The following NPAS3 variants were observed in gnomAD, a reference collection of about 807,000 sequenced individuals.
The protein encoded by NPAS3 is neuronal PAS domain protein 3.
Under a neutral mutation model 73.1 loss-of-function variants are expected in NPAS3, and 14 were observed. The observed-to-expected ratio is 0.19, with a 90% CI of 0.13 to 0.30. The LOEUF (loss-of-function observed/expected upper bound fraction) is 0.30, where lower values mean the gene tolerates loss of function less well. NPAS3 is among the 10% of genes least tolerant of loss of function. The pLI is 1.00. For synonymous variants in NPAS3, 620 were observed against 541.5 expected (o/e 1.14, Z -2.01); for missense variants, 1,096 against 1,250.0 (o/e 0.88, Z 1.86).
At chr14:33,787,040 CA>C (rs1028409509) in intron 9 of NPAS3, among the ~76,000 whole-genome samples, 16 of 136,338 alleles carry the variant, frequency 1.2e-4, no homozygotes, top group African/African-American at 4.5e-4. Flanking sequence ...ATTTATATAA[CA>C]AATTCCCCCC....
chr14:33,310,046 A>G (rs1351916275), intron 3 of NPAS3, among the ~76,000 whole-genome samples: 1 of 152,198 alleles, frequency 6.6e-6, no homozygotes, highest in Non-Finnish European at 1.5e-5. Flanking sequence ...AAAGAAAGAA[A>G]TGTAGCCATA....
intron 1 of NPAS3, among the ~76,000 whole-genome samples, chr14:32,965,397 G>T (rs1245353073): frequency 1.3e-5 from 2 of 152,118 alleles, no homozygotes; most frequent in Non-Finnish European, 2.9e-5. Context: ...TGCAAGAATG[G>T]TTCCACATAT....
At chr14:32,943,408 A>G (rs1566785785) in intron 1 of NPAS3, among the ~76,000 whole-genome samples, 1 of 152,170 alleles carries the variant, frequency 6.6e-6, no homozygotes, top group African/African-American at 2.4e-5. Flanking sequence ...TCTTCTACCC[A>G]ATGGCTGGCC....
chr14:33,596,315 T>C (rs1958550), intron 5 of NPAS3, among the ~76,000 whole-genome samples: 19,082 of 152,294 alleles, frequency 0.13, 1,367 homozygotes, highest in South Asian at 0.26. Context: ...GCTAAGAATA[T>C]GTGCGTTCAA....
chr14:33,723,948 T>A (rs752113800), intron 6 of NPAS3, among the ~76,000 whole-genome samples: 5 of 152,038 alleles, frequency 3.3e-5, no homozygotes, highest in Non-Finnish European at 7.4e-5. Context: ...AACTTAAAAA[T>A]ATATATATCC....
At chr14:33,094,167 A>G (rs2042326617) in intron 2 of NPAS3, among the ~76,000 whole-genome samples, 1 of 152,094 alleles carries the variant, frequency 6.6e-6, no homozygotes, top group Non-Finnish European at 1.5e-5. Context: ...TCCTTTAGAA[A>G]CACACTTTTG....
chr14:33,349,162 T>C (rs2044898232), intron 3 of NPAS3, among the ~76,000 whole-genome samples: 1 of 152,244 alleles, frequency 6.6e-6, no homozygotes, highest in African/African-American at 2.4e-5. Flanking sequence ...ATGTCTATAA[T>C]GTCATAATTA....
At chr14:33,714,799 TTTTC>T (rs1462528973) in intron 6 of NPAS3, among the ~76,000 whole-genome samples, 2 of 152,164 alleles carry the variant, frequency 1.3e-5, no homozygotes, top group African/African-American at 4.8e-5. Context: ...GGCAGTGATG[TTTTC>T]TTTCTTGGTG....
chr14:33,019,808 A>G lies in NPAS3; in HGVS notation c.51-36097A>G, dbSNP rs185507840. Among the ~76,000 whole-genome samples the G allele has an allele frequency of 2.5e-3, 387 of 152,322 alleles. 3 individuals are homozygous for G. The highest frequency in any genetic ancestry group is 8.8e-3 in the African/African-American group (367 of 41,568). ...AGGATCAGTTAGAAGGGACAGATTAACATTTTGGTCGGGCCGGGATCTATT... is the reference window on the plus strand; with the variant it reads ...AGGATCAGTTAGAAGGGACAGATTAGCATTTTGGTCGGGCCGGGATCTATT... On this transcript the variant is annotated intron_variant, in intron 1 of 11. Coordinates refer to ENST00000356141, the Ensembl canonical transcript of NPAS3.
intron 4 of NPAS3, among the ~76,000 whole-genome samples, chr14:33,448,448 G>A (rs116129458): frequency 2.6e-5 from 4 of 152,124 alleles, no homozygotes; most frequent in Non-Finnish European, 5.9e-5. Context: ...AGCTCCATGC[G>A]GAAGGGTCGC....
chr14:33,495,001 T>A (rs1301035197), intron 4 of NPAS3, among the ~76,000 whole-genome samples: 2 of 152,124 alleles, frequency 1.3e-5, no homozygotes, highest in Non-Finnish European at 2.9e-5. Context: ...TCTTAGTTAT[T>A]TCTTGTCTTC....
rs41321948 is a variant in NPAS3 at position 33,138,881 on chromosome 14, C to A, written c.141-76301C>A. Among the ~76,000 whole-genome samples, 900 of 152,294 alleles carry A rather than the reference C, an allele frequency of 5.9e-3. 9 individuals are homozygous for A. The highest frequency in any genetic ancestry group is 0.021 in the African/African-American group (864 of 41,558). On this transcript the variant is annotated intron_variant, in intron 2 of 11. Coordinates refer to ENST00000356141, the Ensembl canonical transcript of NPAS3. ...GGACAGTATTTTCTTAGAATATATTCTGTCGTGACAAGGAAAGAAAGAGGA... is the reference window on the plus strand; with the variant it reads ...GGACAGTATTTTCTTAGAATATATTATGTCGTGACAAGGAAAGAAAGAGGA...
At chr14:33,420,739 C>T (rs905532367) in intron 4 of NPAS3, among the ~76,000 whole-genome samples, 4 of 151,796 alleles carry the variant, frequency 2.6e-5, no homozygotes, top group Admixed American at 1.3e-4. Flanking sequence ...TCAAATCACA[C>T]AAGATGAAAC....
At chr14:33,021,033 G>A (rs1209104438) in intron 1 of NPAS3, among the ~76,000 whole-genome samples, 3 of 152,100 alleles carry the variant, frequency 2.0e-5, no homozygotes, top group Non-Finnish European at 4.4e-5. Context: ...AAAGTTCAGG[G>A]CATTACAGGC....
At chr14:33,173,254 T>A (rs2045462487) in intron 2 of NPAS3, among the ~76,000 whole-genome samples, 1 of 152,224 alleles carries the variant, frequency 6.6e-6, no homozygotes, top group African/African-American at 2.4e-5. Flanking sequence ...TCTAGCAAGC[T>A]TTATGTGCCA....
At chr14:33,122,620 T>G (rs958355912) in intron 2 of NPAS3, among the ~76,000 whole-genome samples, 1 of 152,138 alleles carries the variant, frequency 6.6e-6, no homozygotes, top group Non-Finnish European at 1.5e-5. Flanking sequence ...ACCTTCATGT[T>G]GTGATACTCA....
At chr14:33,203,916 T>C (rs932885448) in intron 2 of NPAS3, among the ~76,000 whole-genome samples, 2 of 152,210 alleles carry the variant, frequency 1.3e-5, no homozygotes, top group African/African-American at 4.8e-5. Flanking sequence ...CCACAACGGT[T>C]GAACTAGTTT....
At chr14:33,351,627 G>A (rs537275903) in intron 3 of NPAS3, among the ~76,000 whole-genome samples, 4 of 152,270 alleles carry the variant, frequency 2.6e-5, no homozygotes, top group African/African-American at 9.6e-5. Flanking sequence ...ATGCCATACC[G>A]CTTCTTTTTG....
intron 1 of NPAS3, among the ~76,000 whole-genome samples, chr14:32,940,061 C>A (rs1396644491): frequency 6.6e-6 from 1 of 152,188 alleles, no homozygotes; most frequent in Admixed American, 6.5e-5. Flanking sequence ...CATACCCCTC[C>A]CAAAGGAAAA....
Sources: allele counts gnomAD v4.1 joint callset (sites outside exome capture counted in the v4.1 genomes callset), GRCh38; gene constraint gnomAD v4.1.1; transcripts MANE v1.5; gene names NCBI Gene and HGNC (gene_info 2026-07-23, HGNC 2026-07-21).